The following ZBTB44 variants were observed in gnomAD, a reference collection of about 807,000 sequenced individuals.
ZBTB44 encodes the protein zinc finger and BTB domain-containing protein 44.
Under a neutral mutation model 54.0 loss-of-function variants are expected in ZBTB44, and 15 were observed. That is an observed-to-expected ratio of 0.28 (90% CI 0.19 to 0.43). The LOEUF (loss-of-function observed/expected upper bound fraction) is 0.43, where lower values mean the gene tolerates loss of function less well. ZBTB44 is among the 20% of genes least tolerant of loss of function. ZBTB44 has a pLI of 1.00. For missense variants in ZBTB44, 487 were observed against 707.1 expected (o/e 0.69, Z 3.53); for synonymous variants, 230 against 250.1 (o/e 0.92, Z 0.76).
chr11:130,268,681 C>CT (rs1939439234), intron 1 of ZBTB44, among the ~76,000 whole-genome samples: 1 of 152,008 alleles, frequency 6.6e-6, no homozygotes, highest in Non-Finnish European at 1.5e-5. Context: ...CGGGTTCAAG[C>CT]AATTCTCCTG....
At chr11:130,299,668 C>T (rs1235112923) in intron 1 of ZBTB44, among the ~76,000 whole-genome samples, 4 of 150,380 alleles carry the variant, frequency 2.7e-5, no homozygotes, top group Admixed American at 2.7e-4. Flanking sequence ...CAAGTCTTGG[C>T]AAGGATGTGG....
intron 1 of ZBTB44, among the ~76,000 whole-genome samples, chr11:130,263,795 T>A (rs1317080047): frequency 6.6e-6 from 1 of 152,258 alleles, no homozygotes. Context: ...GAGTAATCAG[T>A]TTGTTGTGAG....
chr11:130,302,482 G>A (rs1287091985), intron 1 of ZBTB44, among the ~76,000 whole-genome samples: 4 of 152,184 alleles, frequency 2.6e-5, no homozygotes, highest in Admixed American at 6.5e-5. Context: ...CATGTGAAGT[G>A]CACCAAAGAC....
rs936884880 is a variant in ZBTB44 at position 130,236,928 on chromosome 11, C to T, written c.1433G>A (p.Arg478Gln). The T allele has an allele frequency of 3.7e-6, 6 of 1,605,052 alleles. No homozygotes were observed. Among genetic ancestry groups the T allele is most frequent in the South Asian group, 1.1e-5 (1 of 89,912 alleles). Residue 478 changes from arginine to glutamine, a missense_variant, in exon 5 of 8, where the codon CGG (arginine) becomes CAG (glutamine). Around this residue, in one of 3 missense-constraint regions of ZBTB44, gnomAD observed 120 missense variants for 240.3 expected, o/e 0.50. Transcript: ENST00000357899. ...GEYKHHMRVS[R>Q]HIIRKPRIYE... ...AATCCGAGGCTTGCGGATAATGTGC[C>T]GGGAAACCCTCATGTGGTGTTTATA...
chr11:130,304,637 AT>A lies in ZBTB44; in HGVS notation c.-57+9737del, dbSNP rs371393879. ...TTTCTCTTTTTTAAAAAAAATATTG[AT>A]TTTTCCAGTGCTCTACATATTCAGA... On this transcript the variant is annotated intron_variant, in intron 1 of 7. Transcript: ENST00000357899. Among the ~76,000 whole-genome samples the A allele has an allele frequency of 9.0e-3, 1,364 of 152,212 alleles. 24 individuals carry two copies. Among genetic ancestry groups the A allele is most frequent in the African/African-American group, 0.03 (1,232 of 41,548 alleles).
chr11:130,256,475 A>G (rs1565655969), intron 2 of ZBTB44, among the ~76,000 whole-genome samples: 1 of 152,140 alleles, frequency 6.6e-6, no homozygotes, highest in Non-Finnish European at 1.5e-5. Context: ...CAAGAGATCG[A>G]GACCATCCTG....
chr11:130,248,924 T>C (rs1218838779), intron 2 of ZBTB44, among the ~76,000 whole-genome samples: 2 of 151,980 alleles, frequency 1.3e-5, no homozygotes, highest in African/African-American at 4.8e-5. Context: ...GCCCACATGG[T>C]GAAACTCCAT....
chr11:130,299,186 A>G (rs1031932131), intron 1 of ZBTB44, among the ~76,000 whole-genome samples: 2 of 152,196 alleles, frequency 1.3e-5, no homozygotes, highest in African/African-American at 4.8e-5. Context: ...GTTCACCAAG[A>G]AAGATCATAT....
intron 2 of ZBTB44, among the ~76,000 whole-genome samples, chr11:130,240,797 G>A (rs919525209): frequency 2.0e-5 from 3 of 152,126 alleles, no homozygotes; most frequent in Admixed American, 1.3e-4. Flanking sequence ...GTAGGTATTC[G>A]TTCTTGCTGG....
chr11:130,267,818 C>A (rs148339070), intron 1 of ZBTB44, among the ~76,000 whole-genome samples: 1,973 of 152,004 alleles, frequency 0.013, 48 homozygotes, highest in African/African-American at 0.045. Flanking sequence ...AATCCCAGCA[C>A]TTTGGCACTT....
intron 1 of ZBTB44, among the ~76,000 whole-genome samples, chr11:130,307,765 A>AGATTAT (rs1942360775): frequency 6.6e-6 from 1 of 152,158 alleles, no homozygotes; most frequent in African/African-American, 2.4e-5. Context: ...CTGACTTCAA[A>AGATTAT]CTATACTACA....
chr11:130,302,051 C>CAA (rs35397908), intron 1 of ZBTB44, among the ~76,000 whole-genome samples: 5 of 87,762 alleles, frequency 5.7e-5, no homozygotes, highest in Non-Finnish European at 1.3e-4. Flanking sequence ...GACCCTGTCT[C>CAA]AAAAAAAAAA....
intron 1 of ZBTB44, among the ~76,000 whole-genome samples, chr11:130,287,865 G>A (rs751684059): frequency 8.1e-5 from 12 of 148,952 alleles, no homozygotes; most frequent in East Asian, 2.0e-4. Context: ...AATATTTACC[G>A]TATTATAAAT....
intron 1 of ZBTB44, among the ~76,000 whole-genome samples, chr11:130,291,959 T>C (rs1224095624): frequency 1.3e-5 from 2 of 152,260 alleles, no homozygotes; most frequent in East Asian, 1.9e-4. Flanking sequence ...CCAGGAATTA[T>C]CAATGTGCTT....
intron 1 of ZBTB44, among the ~76,000 whole-genome samples, chr11:130,288,666 G>C (rs1386630485): frequency 6.6e-6 from 1 of 151,992 alleles, no homozygotes; most frequent in Non-Finnish European, 1.5e-5. Context: ...GGGAGGCCGA[G>C]GCAGGCAGAT....
chr11:130,261,325 C>T lies in ZBTB44; in HGVS notation c.549G>A (p.Lys183=), dbSNP rs773371796. The T allele has an allele frequency of 2.2e-5, 35 of 1,613,854 alleles. No homozygotes were observed. Among genetic ancestry groups the T allele is most frequent in the Non-Finnish European group, 2.8e-5 (33 of 1,179,906 alleles). Residue 183 remains lysine, a synonymous_variant, in exon 2 of 8, where the codon AAG becomes AAA. Transcript: ENST00000357899. The surrounding 1 kb of genome is among the most constrained non-coding windows in gnomAD (Gnocchi z 4.8). ...GAGACATAACAATGTAGCTTTTGCG[C>T]TTTCTCCGGGATTCTCGGCAGACAG... ...TIPVCRESRR[K]RKSYIVMSPE...
In ZBTB44 at chr11:130,261,778, A is replaced by G. The variant is rs2136439046; in HGVS notation, c.96T>C (p.Asp32=). 1 of 1,614,066 alleles carries G rather than the reference A, an allele frequency of 6.2e-7. No homozygotes were observed. The highest frequency in any genetic ancestry group is 1.1e-5 in the South Asian group (1 of 91,084). Reference sequence around the variant, plus strand: ...TTTTGTCCTGGACACGAATAGTGATATCACAAAAATGTCCATCATTTCGCA... The same window carrying G: ...TTTTGTCCTGGACACGAATAGTGATGTCACAAAAATGTCCATCATTTCGCA... ...NMLRNDGHFC[D]ITIRVQDKIF... is the part of the protein sequence containing the mutation. The change falls in exon 2 of 8, where the codon GAT becomes GAC. Residue 32 remains aspartate (D), a synonymous_variant. Transcript: ENST00000357899. This position sits in a 1 kb window ranked among gnomAD's most constrained non-coding sequence, Gnocchi z 4.8.
At chr11:130,301,047 A>T (rs374463622) in intron 1 of ZBTB44, among the ~76,000 whole-genome samples, 57 of 152,254 alleles carry the variant, frequency 3.7e-4, no homozygotes, top group African/African-American at 1.3e-3. Context: ...TGGAAAAGAC[A>T]CAGAAAAGAG....
intron 1 of ZBTB44, among the ~76,000 whole-genome samples, chr11:130,269,290 A>ATAAT (rs34489551): frequency 0.76 from 115,240 of 151,054 alleles, 44,289 homozygotes; most frequent in Non-Finnish European, 0.8. Flanking sequence ...ACTCCACTAA[A>ATAAT]TAATTAATTA....
Sources: allele counts gnomAD v4.1 joint callset (sites outside exome capture counted in the v4.1 genomes callset), GRCh38; gene constraint gnomAD v4.1.1; regional missense constraint gnomAD v4.1.1; non-coding constraint Gnocchi (gnomAD v3.1); transcripts MANE v1.5; gene names NCBI Gene and HGNC (gene_info 2026-07-23, HGNC 2026-07-21).